The following FBN2 variants were observed in gnomAD, a reference collection of about 807,000 sequenced individuals.
FBN2 encodes fibrillin 2.
Under a neutral mutation model 355.6 loss-of-function variants are expected in FBN2, and 105 were observed. The ratio of observed to expected loss-of-function variants is 0.30; its 90% CI spans 0.25 to 0.35. The LOEUF (loss-of-function observed/expected upper bound fraction) is 0.35. Ranked by LOEUF, FBN2 falls within the 10% of genes least tolerant of loss-of-function variation. The pLI is 1.00. For missense variants in FBN2, 3,280 were observed against 3,758.7 expected (o/e 0.87, Z 3.33); for synonymous variants, 1,350 against 1,301.2 (o/e 1.04, Z -0.81).
intron 48 of FBN2, among the ~76,000 whole-genome samples, chr5:128,294,873 C>T (rs1479977599): frequency 1.3e-5 from 1 of 79,622 alleles, no homozygotes; most frequent in African/African-American, 5.1e-5. Context: ...TCTTTTGTTG[C>T]CATTGCTTTT....
intron 6 of FBN2, among the ~76,000 whole-genome samples, chr5:128,456,396 C>CGAGTG (rs1754395833): frequency 6.6e-6 from 1 of 152,102 alleles, no homozygotes; most frequent in Non-Finnish European, 1.5e-5. Context: ...GCAGCCCGGC[C>CGAGTG]GAGTGGGTTT....
rs779741453 is a variant in FBN2 at position 128,289,232 on chromosome 5, T to C, written c.6532A>G (p.Ser2178Gly). Residue 2178 changes from serine (S) to glycine (G), a missense_variant, in exon 52 of 65, where the codon AGC (serine) becomes GGC (glycine). Physicochemically the swap from Ser to Gly is moderately conservative, Grantham distance 56. Around this residue, in one of 6 missense-constraint regions of FBN2, gnomAD observed 2,284 missense variants for 2,749.5 expected, o/e 0.83. Transcript: ENST00000262464. ...TREDVNECLE[S>G]PGICSNGQCI... is the part of the protein sequence containing the mutation. Reference sequence around the variant, plus strand: ...TGACCATTTGAACAAATGCCTGGGCTCTCAAGACACTCATTGACATCTAAA... The same window carrying C: ...TGACCATTTGAACAAATGCCTGGGCCCTCAAGACACTCATTGACATCTAAA... 1.7e-5 allele frequency: 28 copies of C among 1,613,942 alleles called. No homozygotes were observed. The highest frequency in any genetic ancestry group is 2.4e-5 in the Non-Finnish European group (28 of 1,179,852).
rs1443563782 is a variant in FBN2 at position 128,355,840 on chromosome 5, G to C, written c.2674+1436C>G. Among the ~76,000 whole-genome samples, 4 of 152,316 alleles carry C rather than the reference G, an allele frequency of 2.6e-5. No individual in the cohort carries two copies. In the South Asian group the frequency reaches 8.3e-4, roughly 32 times the overall value. ...CAATACACTGGCTGAGAAAAATATG[G>C]TGGTGGTTAGTTGTTGGCAATTGGA... On this transcript the variant is annotated intron_variant, in intron 20 of 64. Transcript: ENST00000262464.
chr5:128,457,640 T>C (rs1754434497), intron 6 of FBN2, among the ~76,000 whole-genome samples: 1 of 151,784 alleles, frequency 6.6e-6, no homozygotes, highest in Admixed American at 6.6e-5. Context: ...AAGACTGGGG[T>C]CCAATATTCA....
At chr5:128,518,038 T>G (rs1756329838) in intron 5 of FBN2, among the ~76,000 whole-genome samples, 1 of 152,296 alleles carries the variant, frequency 6.6e-6, no homozygotes, top group African/African-American at 2.4e-5. Context: ...CTGTTTACCA[T>G]CAGGACATTA....
At chr5:128,460,374 A>G (rs774028775) in intron 6 of FBN2, among the ~76,000 whole-genome samples, 11 of 152,182 alleles carry the variant, frequency 7.2e-5, no homozygotes, top group Non-Finnish European at 1.3e-4. Context: ...AACAATGGAA[A>G]AACATTCAGT....
In FBN2 at chr5:128,291,526, T is replaced by C. The variant is rs1749322039; in HGVS notation, c.6292+3A>G. On this transcript the variant is annotated splice_donor_region_variant and intron_variant, in intron 49 of 64. Coordinates refer to ENST00000262464, the MANE Select transcript of FBN2 (RefSeq NM_001999.4). ...GTGACAGTGAAGTCATGCCAAATCT[T>C]ACCAAAGCATCTCCGTCCATTATCA... is the stretch of plus-strand genomic sequence containing the variant. 11 of 1,613,872 alleles carry C rather than the reference T, an allele frequency of 6.8e-6. No individual in the cohort carries two copies. The highest frequency in any genetic ancestry group is 9.3e-6 in the Non-Finnish European group (11 of 1,179,838).
intron 62 of FBN2, among the ~76,000 whole-genome samples, chr5:128,265,825 ATTC>A (rs922217705): frequency 2.0e-5 from 3 of 152,218 alleles, no homozygotes; most frequent in Admixed American, 1.3e-4. Context: ...AAGAACTTTC[ATTC>A]TTCTTCAATT....
In FBN2 at chr5:128,492,734, C is replaced by T. The variant is rs1424209214; in HGVS notation, c.628+26539G>A. On this transcript the variant is annotated intron_variant, in intron 5 of 64. Transcript: ENST00000262464. Reference sequence around the variant, plus strand: ...AGGAGATTCACTTGAACCTGGGAGGCAGAGGCTGTGGTGAGTCAAGATCGT... The same window carrying T: ...AGGAGATTCACTTGAACCTGGGAGGTAGAGGCTGTGGTGAGTCAAGATCGT... Among the ~76,000 whole-genome samples the T allele has an allele frequency of 1.0e-4, 13 of 130,328 alleles. No individual in the cohort carries two copies. The Admixed American group carries it at 1.3e-3, about 13-fold the overall frequency. The allele number at this position is 130,328 out of a possible 152,430, so 85.5% of individuals were successfully genotyped here.
chr5:128,420,645 G>T (rs1169303884), intron 7 of FBN2, among the ~76,000 whole-genome samples: 2 of 152,094 alleles, frequency 1.3e-5, no homozygotes, highest in African/African-American at 4.8e-5. Flanking sequence ...GGCCATAAAT[G>T]GGTATATCTC....
chr5:128,430,313 A>T (rs985456901), intron 7 of FBN2, among the ~76,000 whole-genome samples: 4 of 152,082 alleles, frequency 2.6e-5, no homozygotes, highest in Non-Finnish European at 5.9e-5. Context: ...TTTTGAACAT[A>T]AAAGAATTCT....
At chr5:128,386,260 A>G (rs1284070982) in intron 11 of FBN2, among the ~76,000 whole-genome samples, 1 of 152,178 alleles carries the variant, frequency 6.6e-6, no homozygotes, top group Non-Finnish European at 1.5e-5. Flanking sequence ...CTATTGCAGC[A>G]TCATTTATCG....
intron 7 of FBN2, 67 bp from the exon 8 acceptor site, chr5:128,408,866 T>A: frequency 6.3e-7 from 1 of 1,588,768 alleles, no homozygotes; most frequent in Non-Finnish European, 8.6e-7. Flanking sequence ...AAAAGAGATT[T>A]TTTTTTTAAG....
At chr5:128,261,496 C>T (rs1008866101) in intron 64 of FBN2, among the ~76,000 whole-genome samples, 4 of 152,168 alleles carry the variant, frequency 2.6e-5, no homozygotes, top group African/African-American at 4.8e-5. Flanking sequence ...TCAAAAACTA[C>T]AACAAGAGAA....
At chr5:128,520,743 G>A (rs1383737440) in intron 4 of FBN2, among the ~76,000 whole-genome samples, 3 of 152,136 alleles carry the variant, frequency 2.0e-5, no homozygotes, top group Non-Finnish European at 4.4e-5. Context: ...AGAGGCATTT[G>A]TTGATAAGTT....
At chr5:128,323,510 T>G (rs895358797) in intron 34 of FBN2, among the ~76,000 whole-genome samples, 4 of 152,184 alleles carry the variant, frequency 2.6e-5, no homozygotes, top group African/African-American at 9.6e-5. Flanking sequence ...ATCAAAGGCC[T>G]AGTTTTATCG....
intron 10 of FBN2, among the ~76,000 whole-genome samples, chr5:128,392,676 G>C (rs577645834): frequency 6.6e-6 from 1 of 152,094 alleles, no homozygotes; most frequent in Non-Finnish European, 1.5e-5. Context: ...TACAATATTT[G>C]GATCTGCACA....
chr5:128,259,853 T>G, intron 64 of FBN2, 24 bp from the exon 65 acceptor site: 1 of 1,612,628 alleles, frequency 6.2e-7, no homozygotes, highest in Non-Finnish European at 8.5e-7. Flanking sequence ...AGGAAATGAT[T>G]TGGGACAAGC....
chr5:128,517,687 T>A (rs978602688), intron 5 of FBN2, among the ~76,000 whole-genome samples: 102 of 152,328 alleles, frequency 6.7e-4, no homozygotes, highest in African/African-American at 2.4e-3. Context: ...CTTCTCCAGG[T>A]TAAACTTGAA....
Sources: gnomAD v4.1 joint callset for allele counts (sites outside exome capture counted in the v4.1 genomes callset) on GRCh38, gnomAD v4.1.1 for gene constraint, gnomAD v4.1.1 regional missense constraint, MANE v1.5 for transcripts, NCBI Gene and HGNC (gene_info 2026-07-23, HGNC 2026-07-21) for gene names.